Variants in DNAH6 observed in about 807,000 individuals in gnomAD.
DNAH6 encodes dynein axonemal heavy chain 6.
A neutral mutation model predicts 491.4 loss-of-function variants in DNAH6; 340 were observed. The observed-to-expected ratio is 0.69, with a 90% CI of 0.63 to 0.76. The LOEUF is 0.76. Among genes scored for constraint, DNAH6 ranks in the 30% least tolerant of loss-of-function variants. The pLI, the probability that DNAH6 is intolerant of heterozygous loss-of-function variation, is 0.00. For synonymous variants in DNAH6, 1,603 were observed against 1,686.1 expected (o/e 0.95, Z 1.21); for missense variants, 4,443 against 4,972.2 (o/e 0.89, Z 3.20).
rs991684107 is a variant in DNAH6, at chr2:84,516,573, A to G, written c.-19A>G. On this transcript the variant is annotated 5_prime_UTR_variant, in exon 1 of 77. Transcript: ENST00000389394. Reference sequence around the variant, plus strand: ...GGAGACCCTCGGCGGTGGTTGCTGTATTTTGACTTGGTGAGTCCTGGGAAC... The same window carrying G: ...GGAGACCCTCGGCGGTGGTTGCTGTGTTTTGACTTGGTGAGTCCTGGGAAC... 6.6e-6 allele frequency: 1 copy of G among 152,176 alleles called. No homozygotes were observed. Among genetic ancestry groups the G allele is most frequent in the African/African-American group, 2.4e-5 (1 of 41,418 alleles). The allele number at this position is 152,176 out of a possible 1,614,324, so 9.4% of individuals were successfully genotyped here. A position where few individuals can be genotyped will look rare whatever the true frequency, so the allele number is the denominator to read the frequency against.
intron 70 of DNAH6, 81 bp from the exon 71 acceptor site, chr2:84,805,584 T>A: frequency 7.6e-7 from 1 of 1,319,022 alleles, no homozygotes; most frequent in Non-Finnish European, 1.0e-6. Context: ...TGCCTTTACT[T>A]TTGTAAATAA....
the DNAH6 span, among the ~76,000 whole-genome samples, chr2:84,494,824 C>T: frequency 6.6e-6 from 1 of 152,174 alleles, no homozygotes; most frequent in Non-Finnish European, 1.5e-5. Context: ...CATGGCAGCA[C>T]TTCTAAAATT....
intron 29 of DNAH6, among the ~76,000 whole-genome samples, chr2:84,625,818 T>C (rs1488869066): frequency 1.3e-5 from 2 of 152,202 alleles, no homozygotes; most frequent in Non-Finnish European, 2.9e-5. Flanking sequence ...CTACATTCAG[T>C]CTGTTGGGAT....
chr2:84,771,317 G>A (rs1229246309), intron 64 of DNAH6, among the ~76,000 whole-genome samples: 1 of 151,244 alleles, frequency 6.6e-6, no homozygotes, highest in African/African-American at 2.4e-5. Flanking sequence ...GAAGTTAACA[G>A]AACCTAAGAT....
At chr2:84,548,644 A>G (rs1157820162) in intron 8 of DNAH6, among the ~76,000 whole-genome samples, 3 of 152,174 alleles carry the variant, frequency 2.0e-5, no homozygotes, top group African/African-American at 7.2e-5. Flanking sequence ...GAAAAAAAAA[A>G]TGGAACCCTT....
intron 64 of DNAH6, among the ~76,000 whole-genome samples, chr2:84,773,678 T>G (rs893225502): frequency 6.6e-6 from 1 of 152,016 alleles, no homozygotes; most frequent in South Asian, 2.1e-4. Context: ...GTTTACATTG[T>G]GAACAAATGC....
the DNAH6 span, among the ~76,000 whole-genome samples, chr2:84,484,591 C>A: frequency 2.0e-4 from 30 of 152,290 alleles, no homozygotes; most frequent in African/African-American, 6.7e-4. Flanking sequence ...CTTTTTCCAT[C>A]TTCAAGGCCA....
intron 60 of DNAH6, 80 bp from the exon 61 acceptor site, chr2:84,727,589 C>G: frequency 5.9e-6 from 5 of 853,186 alleles, no homozygotes; most frequent in Non-Finnish European, 9.3e-6. Context: ...TCACTGAATG[C>G]GAACAAGGGA....
the DNAH6 span, among the ~76,000 whole-genome samples, chr2:84,510,168 G>A: frequency 3.3e-5 from 5 of 152,180 alleles, no homozygotes; most frequent in African/African-American, 1.2e-4. Context: ...CCTGCAGAGT[G>A]TTTTCCAACT....
At chr2:84,617,043 G>T (rs1480141458) in intron 23 of DNAH6, 61 bp downstream of exon 23, 3 of 922,624 alleles carry the variant, frequency 3.3e-6, no homozygotes, top group Non-Finnish European at 4.8e-6. Flanking sequence ...TCAAGTTGAG[G>T]TTATAATTAT....
chr2:84,547,548 T>C lies in DNAH6; in HGVS notation c.1122T>C (p.Ala374=), dbSNP rs1025162423. 22 of 1,551,850 alleles carry C rather than the reference T, an allele frequency of 1.4e-5. No individual in the cohort carries two copies. Among genetic ancestry groups the C allele is most frequent in the Non-Finnish European group, 1.9e-5 (22 of 1,146,986 alleles). Residue 374 remains alanine (A), a synonymous_variant, in exon 7 of 77, where the codon GCT becomes GCC. Coordinates refer to ENST00000389394, the MANE Select transcript of DNAH6 (RefSeq NM_001370.2). Reference sequence around the variant, plus strand: ...AGGCAAAATATGTAGTCAGGAGGGCTTGTCGATTTGCTTTGCGTGCTGCAG... The same window carrying C: ...AGGCAAAATATGTAGTCAGGAGGGCCTGTCGATTTGCTTTGCGTGCTGCAG... ...RNEAKYVVRR[A]CRFALRAAGF...
At chr2:84,772,298 C>G (rs1573763222) in intron 64 of DNAH6, among the ~76,000 whole-genome samples, 1 of 151,940 alleles carries the variant, frequency 6.6e-6, no homozygotes, top group African/African-American at 2.4e-5. Context: ...TGAGGAACAA[C>G]AAGGATATGA....
At chr2:84,567,120 CAAAT>C (rs910436322) in intron 11 of DNAH6, among the ~76,000 whole-genome samples, 162 of 151,984 alleles carry the variant, frequency 1.1e-3, no homozygotes, top group African/African-American at 3.6e-3. Context: ...GATTATACAA[CAAAT>C]AAATCTTTTG....
intron 29 of DNAH6, among the ~76,000 whole-genome samples, chr2:84,628,920 C>CT (rs1688131564): frequency 1.3e-5 from 2 of 152,186 alleles, no homozygotes; most frequent in Admixed American, 1.3e-4. Flanking sequence ...TTGAAATCCT[C>CT]TGTCTCTCTT....
chr2:84,755,866 G>A (rs1164395604), intron 63 of DNAH6, among the ~76,000 whole-genome samples: 2 of 152,162 alleles, frequency 1.3e-5, no homozygotes, highest in Non-Finnish European at 2.9e-5. Context: ...CCCAGTGGGA[G>A]GTAATTGAAT....
intron 60 of DNAH6, among the ~76,000 whole-genome samples, chr2:84,724,544 C>G (rs759474325): frequency 6.6e-6 from 1 of 152,252 alleles, no homozygotes; most frequent in African/African-American, 2.4e-5. Context: ...CTGACACTCC[C>G]TCTGTTTAAA....
At chr2:84,467,812 G>C in the DNAH6 span, among the ~76,000 whole-genome samples, 1 of 152,282 alleles carries the variant, frequency 6.6e-6, no homozygotes, top group African/African-American at 2.4e-5. Flanking sequence ...AGGGGACATG[G>C]CTAATTCCAC....
At chr2:84,699,850 G>T (rs1046174700) in intron 48 of DNAH6, 116 bp downstream of exon 48, 19 of 978,444 alleles carry the variant, frequency 1.9e-5, no homozygotes, top group Admixed American at 1.7e-4. Context: ...AGCCTACTAG[G>T]AATTTATTCA....
intron 52 of DNAH6, 39 bp downstream of exon 52, chr2:84,705,786 G>A (rs1558937502): frequency 2.0e-6 from 3 of 1,512,672 alleles, no homozygotes; most frequent in Non-Finnish European, 2.7e-6. Flanking sequence ...AGAATTGAAG[G>A]CCATGATCGC....
Sources: allele counts gnomAD v4.1 joint callset (sites outside exome capture counted in the v4.1 genomes callset), GRCh38; gene constraint gnomAD v4.1.1; transcripts MANE v1.5; gene names NCBI Gene and HGNC (gene_info 2026-07-23, HGNC 2026-07-21).